PGBD2: variants seen among roughly 807,000 people sequenced by gnomAD.
PGBD2 encodes piggyBac transposable element-derived protein 2.
A neutral mutation model predicts 8.1 loss-of-function variants in PGBD2; 6 were observed. The ratio of observed to expected loss-of-function variants is 0.74; its 90% CI spans 0.40 to 1.46. The LOEUF (loss-of-function observed/expected upper bound fraction) is 1.46, where lower values mean the gene tolerates loss of function less well. Among genes scored for constraint, PGBD2 ranks in the 40% most tolerant of loss-of-function variants. The probability of loss-of-function intolerance (pLI) is 0.02; values close to 1 mark genes in which losing one functional copy is unlikely to be tolerated. For synonymous variants in PGBD2, 318 were observed against 272.2 expected (o/e 1.17, Z -1.66); for missense variants, 802 against 739.0 (o/e 1.09, Z -0.99).
At chr1:248,913,900 A>G in intron 2 of PGBD2, 21 bp downstream of exon 2, 1 of 1,600,200 alleles carries the variant, frequency 6.2e-7, no homozygotes, top group Non-Finnish European at 8.6e-7. Context: ...TGTTTGATCA[A>G]ATGTTTTATT....
upstream of PGBD2, among the ~76,000 whole-genome samples, chr1:248,904,527 T>C (rs1661587166): frequency 6.6e-6 from 1 of 152,198 alleles, no homozygotes; most frequent in Admixed American, 6.5e-5. Context: ...CATAAAGGTA[T>C]GGAAGAAACA....
downstream of PGBD2, among the ~76,000 whole-genome samples, chr1:248,921,396 CTT>C (rs1283078650): frequency 6.6e-6 from 1 of 152,180 alleles, no homozygotes; most frequent in Middle Eastern, 3.2e-3. Context: ...AATAGGGAAT[CTT>C]TTCACCATTG....
the PGBD2 span, among the ~76,000 whole-genome samples, chr1:248,929,265 A>T: frequency 6.6e-6 from 1 of 152,130 alleles, no homozygotes; most frequent in African/African-American, 2.4e-5. Context: ...ATTGTAGGGA[A>T]TCGTTCTGCC....
chr1:248,909,470 G>A (rs185405549), intron 1 of PGBD2, among the ~76,000 whole-genome samples: 1 of 152,178 alleles, frequency 6.6e-6, no homozygotes, highest in East Asian at 1.9e-4. Flanking sequence ...TAGTAAAGAT[G>A]AAAATGAAAG....
chr1:248,913,816 G>A lies in PGBD2; in HGVS notation c.-47G>A. 2.6e-6 allele frequency: 4 copies of A among 1,523,254 alleles called. No individual in the cohort carries two copies. The highest frequency in any genetic ancestry group is 4.5e-5 in the East Asian group (2 of 44,408). 94.4% of individuals were successfully genotyped at this position (1,523,254 alleles called of 1,614,324 possible). On this transcript the variant is annotated splice_region_variant and 5_prime_UTR_variant, in exon 2 of 3. Transcript: ENST00000329291. ...TAAATTGACTTTTCTTGTCTTACAGGTTCTTAGACTCTGTGAGTAAAGACA... is the reference window on the plus strand; with the variant it reads ...TAAATTGACTTTTCTTGTCTTACAGATTCTTAGACTCTGTGAGTAAAGACA...
chr1:248,907,430 C>T (rs545268219), intron 1 of PGBD2, among the ~76,000 whole-genome samples: 5 of 152,348 alleles, frequency 3.3e-5, no homozygotes, highest in African/African-American at 9.6e-5. Flanking sequence ...CTTCATCTAT[C>T]TCAACTGCAA....
At chr1:248,873,142 G>C in the PGBD2 span, among the ~76,000 whole-genome samples, 1 of 151,710 alleles carries the variant, frequency 6.6e-6, no homozygotes. Flanking sequence ...GCCTGGACGA[G>C]TGGTATCTGG....
chr1:248,890,319 C>G, the PGBD2 span, among the ~76,000 whole-genome samples: 1 of 152,154 alleles, frequency 6.6e-6, no homozygotes, highest in Non-Finnish European at 1.5e-5. Context: ...ATAAACCTGT[C>G]TTCTGTCGAG....
At chr1:248,928,579 T>G in the PGBD2 span, among the ~76,000 whole-genome samples, 1 of 152,152 alleles carries the variant, frequency 6.6e-6, no homozygotes, top group Non-Finnish European at 1.5e-5. Context: ...GGTAGGATGT[T>G]TCTAGTGGTT....
At chr1:248,883,746 G>C in the PGBD2 span, among the ~76,000 whole-genome samples, 1 of 151,546 alleles carries the variant, frequency 6.6e-6, no homozygotes. Flanking sequence ...ACAGGCGCCC[G>C]CCACGATGCC....
chr1:248,900,097 CAAAA>C, the PGBD2 span, among the ~76,000 whole-genome samples: 12 of 49,474 alleles, frequency 2.4e-4, no homozygotes, highest in Admixed American at 1.5e-3. Context: ...AATAGCCTAC[CAAAA>C]AAAAAAAAAA....
intron 2 of PGBD2, among the ~76,000 whole-genome samples, chr1:248,915,567 T>C (rs766185732): frequency 3.9e-5 from 6 of 152,234 alleles, no homozygotes; most frequent in Non-Finnish European, 8.8e-5. Context: ...TTTTGACTTA[T>C]GACATTTTTA....
the PGBD2 span, among the ~76,000 whole-genome samples, chr1:248,894,513 A>G: frequency 6.6e-6 from 1 of 152,164 alleles, no homozygotes; most frequent in African/African-American, 2.4e-5. Flanking sequence ...TTTATTGAAG[A>G]GACTATCATT....
the PGBD2 span, among the ~76,000 whole-genome samples, chr1:248,885,855 C>CACATG: frequency 6.6e-6 from 1 of 152,206 alleles, no homozygotes; most frequent in Non-Finnish European, 1.5e-5. Context: ...TAACCTGCTA[C>CACATG]ACATGCAAAT....
Position 248,913,798 on chromosome 1 carries a change from A to T in PGBD2, c.-47-18A>T. On this transcript the variant is annotated intron_variant, in intron 1 of 2. Transcript: ENST00000329291. ...TAAGATACAATTTTTTTTTAAATTG[A>T]CTTTTCTTGTCTTACAGGTTCTTAG... is the stretch of plus-strand genomic sequence containing the variant. The T allele has an allele frequency of 7.5e-7, 1 of 1,342,170 alleles. No individual in the cohort carries two copies. Among genetic ancestry groups the T allele is most frequent in the Admixed American group, 1.8e-5 (1 of 54,202 alleles). 83.1% of individuals were successfully genotyped at this position (1,342,170 alleles called of 1,614,324 possible). A position where few individuals can be genotyped will look rare whatever the true frequency, so the allele number is the denominator to read the frequency against.
chr1:248,887,808 G>A, the PGBD2 span, among the ~76,000 whole-genome samples: 1 of 152,148 alleles, frequency 6.6e-6, no homozygotes, highest in Non-Finnish European at 1.5e-5. Flanking sequence ...CCTAACACAA[G>A]GGCAGATTGT....
chr1:248,892,430 C>T, the PGBD2 span, among the ~76,000 whole-genome samples: 1 of 150,550 alleles, frequency 6.6e-6, no homozygotes, highest in Non-Finnish European at 1.5e-5. Context: ...AGTTACAGGA[C>T]AATAAAGGAG....
chr1:248,878,340 A>G, the PGBD2 span, among the ~76,000 whole-genome samples: 6 of 152,100 alleles, frequency 3.9e-5, no homozygotes, highest in African/African-American at 9.6e-5. Flanking sequence ...CACCACGCCC[A>G]GCTAGTTTTT....
chr1:248,893,139 C>CAT, the PGBD2 span, among the ~76,000 whole-genome samples: 1 of 152,150 alleles, frequency 6.6e-6, no homozygotes, highest in Non-Finnish European at 1.5e-5. Context: ...GACATAGGTG[C>CAT]ATACTCATGT....
Sources: gnomAD v4.1 joint callset for allele counts (sites outside exome capture counted in the v4.1 genomes callset) on GRCh38, gnomAD v4.1.1 for gene constraint, MANE v1.5 for transcripts, NCBI Gene and HGNC (gene_info 2026-07-23, HGNC 2026-07-21) for gene names.